Variants in STK4 observed in about 807,000 individuals in gnomAD.
STK4 encodes serine/threonine-protein kinase 4.
A neutral mutation model predicts 64.9 loss-of-function variants in STK4; 30 were observed. The observed-to-expected ratio is 0.46, with a 90% CI of 0.35 to 0.63. STK4 has a LOEUF of 0.63. Ranked by LOEUF, STK4 falls within the 20% of genes least tolerant of loss-of-function variation. The pLI is 0.01. For synonymous variants in STK4, 177 were observed against 199.0 expected (o/e 0.89, Z 0.93); for missense variants, 466 against 598.5 (o/e 0.78, Z 2.31).
At chr20:45,044,098 C>A (rs1471824243) in intron 10 of STK4, among the ~76,000 whole-genome samples, 1 of 152,200 alleles carries the variant, frequency 6.6e-6, no homozygotes, top group African/African-American at 2.4e-5. Flanking sequence ...ATGCTTTCTT[C>A]CTTTCTTTTC....
intron 3 of STK4, among the ~76,000 whole-genome samples, chr20:44,979,285 G>C (rs1176162413): frequency 6.6e-6 from 1 of 152,008 alleles, no homozygotes; most frequent in Non-Finnish European, 1.5e-5. Flanking sequence ...TAGAATATCA[G>C]GTAAATCTAT....
Position 45,075,110 on chromosome 20 carries a change from C to A in STK4, c.1398C>A (p.Tyr466Ter). 6.2e-7 allele frequency: 1 copy of A among 1,614,178 alleles called. No individual in the cohort carries two copies. The highest frequency in any genetic ancestry group is 1.1e-5 in the South Asian group (1 of 91,080). The change falls in exon 11 of 11, where the codon TAC (tyrosine) becomes TAA (stop). Residue 466 changes from tyrosine (Y) to a stop codon, truncating the protein, a stop_gained. Transcript: ENST00000372806. LOFTEE classifies it high-confidence loss of function. ...AGATTGAAGAGATCCGGCAGAAGTA[C>A]CAGTCCAAGCGGCAGCCCATCCTGG... ...EQEIEEIRQKYQSKRQPILDA... is the reference protein window; with the variant it reads ...EQEIEEIRQK
chr20:45,035,615 T>G (rs2097451), intron 10 of STK4, among the ~76,000 whole-genome samples: 3,810 of 152,286 alleles, frequency 0.025, 140 homozygotes, highest in African/African-American at 0.082. Flanking sequence ...GTTCTCTGTG[T>G]GTACTATGTG....
chr20:45,001,443 T>C (rs1012014763), intron 9 of STK4, 90 bp downstream of exon 9: 1 of 1,418,534 alleles, frequency 7.0e-7, no homozygotes, highest in Non-Finnish European at 9.4e-7. Context: ...AGGCTTAGCC[T>C]TGGGTTCTTT....
chr20:44,981,989 CA>C, intron 4 of STK4, 46 bp downstream of exon 4: 2 of 1,334,610 alleles, frequency 1.5e-6, no homozygotes, highest in Non-Finnish European at 2.2e-6. Flanking sequence ...TTTCTTATGC[CA>C]TCTTCTTTTC....
chr20:44,984,125 TTATTA>T (rs1429970564), intron 4 of STK4, among the ~76,000 whole-genome samples: 1 of 151,412 alleles, frequency 6.6e-6, no homozygotes, highest in Non-Finnish European at 1.5e-5. Flanking sequence ...TAATAGTAGG[TTATTA>T]TATTTAAGTA....
At chr20:44,982,326 T>G (rs6031905) in intron 4 of STK4, among the ~76,000 whole-genome samples, 77,774 of 150,420 alleles carry the variant, frequency 0.52, 21,155 homozygotes, top group African/African-American at 0.66. Flanking sequence ...GTGGAGATGG[T>G]GTCTCACTGT....
chr20:45,007,504 G>A (rs774212041), intron 9 of STK4, among the ~76,000 whole-genome samples: 7 of 151,650 alleles, frequency 4.6e-5, no homozygotes, highest in African/African-American at 7.3e-5. Flanking sequence ...CCGAAATCGC[G>A]CCACTGCACT....
chr20:45,022,177 C>T (rs1400042287), intron 9 of STK4, among the ~76,000 whole-genome samples: 1 of 152,120 alleles, frequency 6.6e-6, no homozygotes, highest in African/African-American at 2.4e-5. Flanking sequence ...AACATTTTAA[C>T]TAATCATTTT....
At chr20:44,999,021 T>C (rs1334970914) in intron 7 of STK4, among the ~76,000 whole-genome samples, 1 of 151,722 alleles carries the variant, frequency 6.6e-6, no homozygotes, top group Non-Finnish European at 1.5e-5. Context: ...TGAGCTGAGA[T>C]TGTGCCACTG....
At chr20:45,063,484 A>C (rs897374123) in intron 10 of STK4, among the ~76,000 whole-genome samples, 1 of 152,070 alleles carries the variant, frequency 6.6e-6, no homozygotes, top group Non-Finnish European at 1.5e-5. Flanking sequence ...TGGATTCTGG[A>C]TATTAGATCT....
rs192017433 is a variant in STK4 at position 45,076,579 on chromosome 20, G to A, written c.*1403G>A. 6.6e-6 allele frequency: 1 copy of A among 152,316 alleles called. No homozygotes were observed. Among genetic ancestry groups the A allele is most frequent in the Admixed American group, 6.5e-5 (1 of 15,302 alleles). 9.4% of individuals were successfully genotyped at this position (152,316 alleles called of 1,614,324 possible). On this transcript the variant is annotated 3_prime_UTR_variant, in exon 11 of 11. Coordinates refer to ENST00000372806, the MANE Select transcript of STK4 (RefSeq NM_006282.5). The surrounding 1 kb of genome is among the most constrained non-coding windows in gnomAD (Gnocchi z 4.0). Reference sequence around the variant, plus strand: ...ACGAGCCAGATCATTCAGTTTCAGCGAGTCCTTGAGCTCCACAACATCTAC... The same window carrying A: ...ACGAGCCAGATCATTCAGTTTCAGCAAGTCCTTGAGCTCCACAACATCTAC...
chr20:45,023,189 T>C (rs549297556), intron 9 of STK4, among the ~76,000 whole-genome samples: 1 of 152,340 alleles, frequency 6.6e-6, no homozygotes, highest in South Asian at 2.1e-4. Context: ...ATATACTTGC[T>C]GATTGGTCCT....
At chr20:44,973,646 A>G (rs1195451854) in intron 2 of STK4, among the ~76,000 whole-genome samples, 4 of 152,230 alleles carry the variant, frequency 2.6e-5, no homozygotes, top group African/African-American at 4.8e-5. Context: ...TACTACTACA[A>G]TGTGAGGCTG....
chr20:45,048,966 A>G lies in STK4; in HGVS notation c.1305+23836A>G, dbSNP rs16989628. On this transcript the variant is annotated intron_variant, in intron 10 of 10. Transcript: ENST00000372806. The stretch of plus-strand genomic sequence containing the variant: ...TCCCTTCTGTGCCTGCCTGGAGGCT[A>G]TAGGTCCTGGACAGTTCCCACATTG... Among the ~76,000 whole-genome samples, 1,031 of 151,982 alleles carry G rather than the reference A, an allele frequency of 6.8e-3. 31 individuals are homozygous for G. In the East Asian group the frequency reaches 0.099, roughly 15 times the overall value.
chr20:44,982,014 C>T (rs2067449814), intron 4 of STK4, 71 bp downstream of exon 4: 1 of 1,002,798 alleles, frequency 1.0e-6, no homozygotes, highest in South Asian at 1.3e-5. Context: ...GCCTCTTTTT[C>T]AGGGCATTCT....
In STK4 at chr20:44,997,069, A is replaced by G; in HGVS notation, c.694-100A>G. On this transcript the variant is annotated intron_variant, in intron 6 of 10. Transcript: ENST00000372806. Reference sequence around the variant, plus strand: ...GAGCTTCTCAGTGGGTAAGTGAAAAATCATTTACCAAGCTTCAAATGTAAT... The same window carrying G: ...GAGCTTCTCAGTGGGTAAGTGAAAAGTCATTTACCAAGCTTCAAATGTAAT... 1.9e-6 allele frequency: 3 copies of G among 1,549,402 alleles called. No individual in the cohort carries two copies. In the South Asian group the frequency reaches 3.5e-5, roughly 18 times the overall value.
intron 2 of STK4, among the ~76,000 whole-genome samples, chr20:44,976,084 A>G (rs1005612731): frequency 2.0e-5 from 3 of 152,276 alleles, no homozygotes; most frequent in Non-Finnish European, 2.9e-5. Flanking sequence ...TGACATGATT[A>G]TTAACATATT....
At chr20:45,023,204 A>T (rs1448019300) in intron 9 of STK4, among the ~76,000 whole-genome samples, 1 of 152,194 alleles carries the variant, frequency 6.6e-6, no homozygotes, top group Non-Finnish European at 1.5e-5. Context: ...GGTCCTAGCA[A>T]ATAATGTATT....
Sources: gnomAD v4.1 joint callset for allele counts (sites outside exome capture counted in the v4.1 genomes callset) on GRCh38, gnomAD v4.1.1 for gene constraint, Gnocchi (gnomAD v3.1) non-coding constraint, MANE v1.5 for transcripts, NCBI Gene and HGNC (gene_info 2026-07-23, HGNC 2026-07-21) for gene names.